The following PPP2R2B variants were observed in gnomAD, a reference collection of about 807,000 sequenced individuals.
PPP2R2B encodes serine/threonine-protein phosphatase 2A 55 kDa regulatory subunit B beta isoform.
In PPP2R2B, 5 loss-of-function variants were observed where a neutral mutation model predicts 46.0. That is an observed-to-expected ratio of 0.11 (90% CI 0.06 to 0.23). The LOEUF is 0.23. Among genes scored for constraint, PPP2R2B ranks in the 10% least tolerant of loss-of-function variants. The probability of loss-of-function intolerance (pLI) is 1.00; values close to 1 mark genes in which losing one functional copy is unlikely to be tolerated. For synonymous variants in PPP2R2B, 215 were observed against 206.7 expected (o/e 1.04, Z -0.34); for missense variants, 367 against 575.0 (o/e 0.64, Z 3.70).
chr5:146,601,190 C>G (rs1193430143), intron 7 of PPP2R2B, among the ~76,000 whole-genome samples: 1 of 152,254 alleles, frequency 6.6e-6, no homozygotes, highest in East Asian at 1.9e-4. Context: ...ATTTTATGAG[C>G]ATTTGAGTTG....
intron 4 of PPP2R2B, among the ~76,000 whole-genome samples, chr5:146,697,286 T>C (rs1779229010): frequency 1.3e-5 from 2 of 152,232 alleles, no homozygotes; most frequent in South Asian, 2.1e-4. Flanking sequence ...TTAGATGGCT[T>C]CTTTTAGCAA....
chr5:147,039,487 G>A (rs1170843111), intron 1 of PPP2R2B, among the ~76,000 whole-genome samples: 1 of 152,064 alleles, frequency 6.6e-6, no homozygotes, highest in African/African-American at 2.4e-5. Context: ...TCATGCATCT[G>A]CCCACATTCT....
At chr5:146,823,479 G>T (rs191518378) in intron 2 of PPP2R2B, among the ~76,000 whole-genome samples, 2 of 152,038 alleles carry the variant, frequency 1.3e-5, no homozygotes, top group Non-Finnish European at 2.9e-5. Context: ...TTACAGGCGT[G>T]AGCCACTGCA....
At chr5:146,652,755 G>A in intron 5 of PPP2R2B, among the ~76,000 whole-genome samples, 1 of 49,744 alleles carries the variant, frequency 2.0e-5, no homozygotes, top group Admixed American at 3.0e-4. Context: ...TAGGTAGGAG[G>A]CAACACCCCC....
intron 5 of PPP2R2B, among the ~76,000 whole-genome samples, chr5:146,663,998 C>T (rs555690973): frequency 3.3e-5 from 5 of 152,180 alleles, no homozygotes; most frequent in East Asian, 1.9e-4. Flanking sequence ...CGTGCCACCA[C>T]GCCTGGGTAA....
intron 2 of PPP2R2B, among the ~76,000 whole-genome samples, chr5:146,816,296 T>A (rs1176564526): frequency 6.6e-6 from 1 of 151,962 alleles, no homozygotes; most frequent in Admixed American, 6.6e-5. Context: ...TTTTAGCTAC[T>A]AGGGAGGCTA....
chr5:146,609,489 G>A (rs1056360895), intron 7 of PPP2R2B, among the ~76,000 whole-genome samples: 10 of 152,240 alleles, frequency 6.6e-5, no homozygotes, highest in African/African-American at 2.2e-4. Context: ...TGGATGTGGA[G>A]CCAAGATGGC....
At chr5:146,964,967 A>C (rs1347009502) in intron 1 of PPP2R2B, among the ~76,000 whole-genome samples, 1 of 152,164 alleles carries the variant, frequency 6.6e-6, no homozygotes, top group Non-Finnish European at 1.5e-5. Context: ...AATGAAGATA[A>C]TATACCATTT....
chr5:146,599,497 AG>A (rs1471765529), intron 8 of PPP2R2B, among the ~76,000 whole-genome samples: 1 of 152,204 alleles, frequency 6.6e-6, no homozygotes, highest in African/African-American at 2.4e-5. Context: ...CCCAGTCCAC[AG>A]GCAAAACAGC....
intron 1 of PPP2R2B, among the ~76,000 whole-genome samples, chr5:146,884,615 A>G (rs1012964825): frequency 1.2e-4 from 18 of 152,206 alleles, no homozygotes; most frequent in Non-Finnish European, 2.4e-4. Flanking sequence ...ATTGATGCAA[A>G]GGGAGAAAAG....
chr5:147,067,436 A>G (rs956854486), intron 2 of PPP2R2B, among the ~76,000 whole-genome samples: 2 of 152,112 alleles, frequency 1.3e-5, no homozygotes, highest in African/African-American at 4.8e-5. Flanking sequence ...GTCTTGCTTC[A>G]CTTAACATCA....
At chr5:146,780,684 T>C (rs1755455767) in intron 2 of PPP2R2B, among the ~76,000 whole-genome samples, 1 of 152,162 alleles carries the variant, frequency 6.6e-6, no homozygotes, top group African/African-American at 2.4e-5. Flanking sequence ...AACTAATCAC[T>C]AGGAATCCCT....
chr5:146,746,244 G>T (rs1753183760), intron 2 of PPP2R2B, among the ~76,000 whole-genome samples: 1 of 152,118 alleles, frequency 6.6e-6, no homozygotes, highest in African/African-American at 2.4e-5. Context: ...CTGCTTTATG[G>T]TCTCTCATAT....
chr5:146,732,628 T>G (rs1752300309), intron 2 of PPP2R2B, among the ~76,000 whole-genome samples: 1 of 152,222 alleles, frequency 6.6e-6, no homozygotes, highest in Admixed American at 6.5e-5. Context: ...TTAATAGCAC[T>G]GTCACCATCA....
chr5:146,701,008 T>C, intron 3 of PPP2R2B, 37 bp downstream of exon 3: 2 of 1,536,238 alleles, frequency 1.3e-6, no homozygotes, highest in South Asian at 2.2e-5. Flanking sequence ...CTTTAAAAAG[T>C]GAAGAAAATG....
chr5:146,929,797 A>G (rs1763907330), intron 1 of PPP2R2B, among the ~76,000 whole-genome samples: 1 of 152,186 alleles, frequency 6.6e-6, no homozygotes, highest in Non-Finnish European at 1.5e-5. Flanking sequence ...GCCATTTACA[A>G]GAGTTATTTG....
intron 2 of PPP2R2B, among the ~76,000 whole-genome samples, chr5:146,792,362 G>T (rs1183113888): frequency 6.6e-6 from 1 of 152,154 alleles, no homozygotes; most frequent in Non-Finnish European, 1.5e-5. Flanking sequence ...CTGAGTCAAT[G>T]CCACATTGTT....
intron 2 of PPP2R2B, among the ~76,000 whole-genome samples, chr5:146,707,798 T>C (rs1277548179): frequency 1.3e-5 from 2 of 152,206 alleles, no homozygotes; most frequent in South Asian, 4.1e-4. Context: ...TACAAGTAAT[T>C]GTTAATGACT....
At chr5:146,742,082 A>G (rs1052961607) in intron 2 of PPP2R2B, among the ~76,000 whole-genome samples, 1 of 152,192 alleles carries the variant, frequency 6.6e-6, no homozygotes, top group African/African-American at 2.4e-5. Context: ...ACGTTCTTAC[A>G]AAGGAAAATG....
Sources: gnomAD v4.1 joint callset for allele counts (sites outside exome capture counted in the v4.1 genomes callset) on GRCh38, gnomAD v4.1.1 for gene constraint, MANE v1.5 for transcripts, NCBI Gene and HGNC (gene_info 2026-07-23, HGNC 2026-07-21) for gene names.